ACOT12: variants seen among roughly 807,000 people sequenced by gnomAD.
The protein encoded by ACOT12 is acetyl-coenzyme A thioesterase.
ACOT12 carries 51 observed loss-of-function variants against 67.7 expected under a neutral mutation model. The ratio of observed to expected loss-of-function variants is 0.75; its 90% CI spans 0.60 to 0.95. The LOEUF (loss-of-function observed/expected upper bound fraction) is 0.95. Ranked by LOEUF, ACOT12 falls within the 40% of genes least tolerant of loss-of-function variation. The pLI is 0.00. For synonymous variants in ACOT12, 251 were observed against 244.6 expected (o/e 1.03, Z -0.24); for missense variants, 734 against 708.1 (o/e 1.04, Z -0.41).
intron 2 of ACOT12, among the ~76,000 whole-genome samples, chr5:81,375,637 AG>A (rs1760388320): frequency 6.6e-6 from 1 of 151,896 alleles, no homozygotes; most frequent in African/African-American, 2.4e-5. Flanking sequence ...AAAGGGATGG[AG>A]GAATATTTAC....
chr5:81,350,185 C>G, intron 5 of ACOT12, among the ~76,000 whole-genome samples: 1 of 152,184 alleles, frequency 6.6e-6, no homozygotes, highest in South Asian at 2.1e-4. Context: ...ATCTCTTTGT[C>G]TATCTGGCTG....
intron 6 of ACOT12, among the ~76,000 whole-genome samples, chr5:81,346,253 C>T (rs1001686926): frequency 1.3e-5 from 2 of 152,178 alleles, no homozygotes; most frequent in Non-Finnish European, 2.9e-5. Flanking sequence ...ACTCTTGTCT[C>T]GTTTCCTGTG....
chr5:81,385,633 G>A (rs766480932), intron 2 of ACOT12, 124 bp downstream of exon 2: 11 of 850,082 alleles, frequency 1.3e-5, no homozygotes, highest in Non-Finnish European at 2.0e-5. Flanking sequence ...TGGGTCACAT[G>A]TTATTTATTT....
intron 5 of ACOT12, among the ~76,000 whole-genome samples, chr5:81,355,765 G>A (rs1002091412): frequency 2.6e-5 from 4 of 152,196 alleles, no homozygotes; most frequent in African/African-American, 7.2e-5. Context: ...GTGGGCCGAT[G>A]GATGCCTCCT....
At chr5:81,334,564 G>T (rs1758937007) in intron 12 of ACOT12, among the ~76,000 whole-genome samples, 1 of 152,212 alleles carries the variant, frequency 6.6e-6, no homozygotes. Context: ...TGTAACACGT[G>T]ACCTCAGAGA....
At chr5:81,354,122 G>T (rs1759636734) in intron 5 of ACOT12, among the ~76,000 whole-genome samples, 1 of 152,194 alleles carries the variant, frequency 6.6e-6, no homozygotes, top group Non-Finnish European at 1.5e-5. Context: ...GTGGAATTAG[G>T]TTAAAAGTTG....
At chr5:81,334,614 A>G (rs550908168) in intron 12 of ACOT12, among the ~76,000 whole-genome samples, 1 of 152,360 alleles carries the variant, frequency 6.6e-6, no homozygotes, top group African/African-American at 2.4e-5. Flanking sequence ...GTTACATGGT[A>G]TTTCTAAATC....
intron 12 of ACOT12, among the ~76,000 whole-genome samples, chr5:81,334,661 C>T (rs1758940527): frequency 6.6e-6 from 1 of 152,196 alleles, no homozygotes; most frequent in Non-Finnish European, 1.5e-5. Flanking sequence ...TGAAGATGAG[C>T]CTCTATCTTG....
In ACOT12 at chr5:81,338,156, G is replaced by A. The variant is rs1312332989; in HGVS notation, c.1129-2255C>T. ...GCTAATAAAGGCCAGCTTTTGCTTA[G>A]TGAAAAAATTTTCCAGGAACAATTC... On this transcript the variant is annotated intron_variant, in intron 11 of 14. Coordinates refer to ENST00000307624, the MANE Select transcript of ACOT12 (RefSeq NM_130767.3). Among the ~76,000 whole-genome samples, 3 of 152,312 alleles carry A rather than the reference G, an allele frequency of 2.0e-5. No individual in the cohort carries two copies. The East Asian group carries it at 5.8e-4, about 29-fold the overall frequency.
rs576301269 is a variant in ACOT12 at position 81,373,222 on chromosome 5, G to A, written c.198-1412C>T. Among the ~76,000 whole-genome samples the A allele has an allele frequency of 4.7e-4, 71 of 152,298 alleles. 1 individual carries two copies. The South Asian group carries it at 8.3e-3, about 18-fold the overall frequency. On this transcript the variant is annotated intron_variant, in intron 2 of 14. Coordinates refer to ENST00000307624, the MANE Select transcript of ACOT12 (RefSeq NM_130767.3). Reference sequence around the variant, plus strand: ...GGGTGCAGCCCATGGAGGGTGAGCCGAAGCAAGGTGGGTCATCACCCTACC... The same window carrying A: ...GGGTGCAGCCCATGGAGGGTGAGCCAAAGCAAGGTGGGTCATCACCCTACC...
intron 11 of ACOT12, among the ~76,000 whole-genome samples, chr5:81,340,556 T>G (rs966356088): frequency 1.1e-4 from 17 of 152,036 alleles, no homozygotes; most frequent in Admixed American, 5.2e-4. Context: ...GAGACAGTGT[T>G]TCACCATCTT....
In ACOT12 at chr5:81,371,745, C is replaced by T. The variant is rs1215694532; in HGVS notation, c.258+5G>A. On this transcript the variant is annotated splice_donor_5th_base_variant and intron_variant, in intron 3 of 14. Transcript: ENST00000307624. ...CAGGCAGATGTTTGAAAAGGTGCCT[C>T]TTACCTCCATGCTTGTGCTGAATGC... 5.0e-6 allele frequency: 8 copies of T among 1,613,804 alleles called. No homozygotes were observed. In the Admixed American group the frequency reaches 1.2e-4, roughly 24 times the overall value.
chr5:81,359,628 G>C (rs998691658), intron 5 of ACOT12, among the ~76,000 whole-genome samples: 3 of 152,188 alleles, frequency 2.0e-5, no homozygotes, highest in Non-Finnish European at 4.4e-5. Flanking sequence ...GCCATCATTA[G>C]TGAATACATG....
At chr5:81,386,131 G>A (rs890518848) in intron 1 of ACOT12, among the ~76,000 whole-genome samples, 1 of 152,210 alleles carries the variant, frequency 6.6e-6, no homozygotes, top group East Asian at 1.9e-4. Flanking sequence ...ATTTTAGTAA[G>A]TTGGTGCTGA....
intron 1 of ACOT12, 78 bp from the exon 2 acceptor site, chr5:81,385,904 T>C: frequency 2.2e-6 from 3 of 1,374,228 alleles, no homozygotes; most frequent in Non-Finnish European, 3.1e-6. Context: ...GAATGAAATG[T>C]AAGTGCATTG....
intron 7 of ACOT12, 56 bp downstream of exon 7, chr5:81,345,829 A>T: frequency 6.2e-7 from 1 of 1,605,972 alleles, no homozygotes; most frequent in Non-Finnish European, 8.5e-7. Context: ...CTGAAATTAA[A>T]AATTACATTT....
intron 5 of ACOT12, among the ~76,000 whole-genome samples, chr5:81,349,504 C>T (rs1210145894): frequency 6.6e-6 from 1 of 152,252 alleles, no homozygotes; most frequent in East Asian, 1.9e-4. Flanking sequence ...GCCACCATCA[C>T]CTGTGTCTTC....
chr5:81,354,934 C>A (rs1021811942), intron 5 of ACOT12, among the ~76,000 whole-genome samples: 1 of 152,086 alleles, frequency 6.6e-6, no homozygotes, highest in African/African-American at 2.4e-5. Context: ...TCAAGTGATC[C>A]GCCTGCCTCA....
chr5:81,332,436 C>G, intron 13 of ACOT12, 41 bp downstream of exon 13: 1 of 1,605,368 alleles, frequency 6.2e-7, no homozygotes, highest in South Asian at 1.1e-5. Flanking sequence ...CTATCCTATA[C>G]TATGAAATAT....
Sources: gnomAD v4.1 joint callset for allele counts (sites outside exome capture counted in the v4.1 genomes callset) on GRCh38, gnomAD v4.1.1 for gene constraint, MANE v1.5 for transcripts, NCBI Gene and HGNC (gene_info 2026-07-23, HGNC 2026-07-21) for gene names.